Variants in TRAPPC9 observed in about 807,000 individuals in gnomAD.
The protein encoded by TRAPPC9 is IKK2 binding protein.
Under a neutral mutation model 124.0 loss-of-function variants are expected in TRAPPC9, and 83 were observed. The observed-to-expected ratio is 0.67, with a 90% confidence interval of 0.56 to 0.80. TRAPPC9 has a LOEUF of 0.80. Ranked by LOEUF, TRAPPC9 falls within the 30% of genes least tolerant of loss-of-function variation. The probability of loss-of-function intolerance (pLI) is 0.00; values close to 1 mark genes in which losing one functional copy is unlikely to be tolerated. For missense variants in TRAPPC9, 1,302 were observed against 1,508.3 expected (o/e 0.86, Z 2.27); for synonymous variants, 638 against 617.5 (o/e 1.03, Z -0.49).
chr8:140,112,366 A>G (rs2060795967), intron 17 of TRAPPC9, among the ~76,000 whole-genome samples: 1 of 149,138 alleles, frequency 6.7e-6, no homozygotes. Context: ...AGAGGAATGG[A>G]GAATTCCAGA....
At chr8:139,917,586 G>T (rs920405699) in intron 19 of TRAPPC9, among the ~76,000 whole-genome samples, 2 of 152,238 alleles carry the variant, frequency 1.3e-5, no homozygotes, top group Non-Finnish European at 2.9e-5. Context: ...CCAAAGCAAT[G>T]GCGCCCCCGT....
chr8:139,784,608 C>A (rs1280404201), intron 21 of TRAPPC9, among the ~76,000 whole-genome samples: 14 of 88,656 alleles, frequency 1.6e-4, no homozygotes, highest in African/African-American at 5.6e-4. Context: ...AAAAGACTGA[C>A]ATATATATAT....
At chr8:140,207,891 G>A (rs2131220916) in intron 17 of TRAPPC9, among the ~76,000 whole-genome samples, 1 of 152,306 alleles carries the variant, frequency 6.6e-6, no homozygotes, top group African/African-American at 2.4e-5. Context: ...AGTGGCTCAT[G>A]CCTTAATCCC....
intron 17 of TRAPPC9, among the ~76,000 whole-genome samples, chr8:140,192,507 A>C (rs2062518459): frequency 6.6e-6 from 1 of 152,228 alleles, no homozygotes; most frequent in Non-Finnish European, 1.5e-5. Context: ...CAGTAAAAAC[A>C]GGCAGCATGG....
intron 21 of TRAPPC9, among the ~76,000 whole-genome samples, chr8:139,862,068 G>A (rs577377980): frequency 3.9e-5 from 6 of 152,140 alleles, no homozygotes; most frequent in Non-Finnish European, 8.8e-5. Flanking sequence ...TACATTACCT[G>A]ATTTCATCTC....
intron 5 of TRAPPC9, among the ~76,000 whole-genome samples, chr8:140,418,076 G>A (rs1180629514): frequency 2.0e-5 from 3 of 152,162 alleles, no homozygotes; most frequent in Non-Finnish European, 4.4e-5. Flanking sequence ...TGGGGGGCTA[G>A]GGGAAGGACA....
chr8:140,137,802 C>T (rs1052311801), intron 17 of TRAPPC9, among the ~76,000 whole-genome samples: 14 of 152,138 alleles, frequency 9.2e-5, no homozygotes, highest in African/African-American at 2.7e-4. Flanking sequence ...GTCCAAGTAA[C>T]GAGGTTAGCA....
intron 19 of TRAPPC9, among the ~76,000 whole-genome samples, chr8:139,963,500 T>G (rs1490402246): frequency 6.6e-6 from 1 of 151,938 alleles, no homozygotes; most frequent in Non-Finnish European, 1.5e-5. Context: ...ATGTAGGAGC[T>G]TTTGGAGGGA....
chr8:140,178,184 G>T (rs79672763), intron 17 of TRAPPC9, among the ~76,000 whole-genome samples: 2,481 of 152,162 alleles, frequency 0.016, 31 homozygotes, highest in Non-Finnish European at 0.029. Flanking sequence ...TAATGAATAT[G>T]AACATCCTTG....
At chr8:140,096,552 C>T (rs149853527) in intron 17 of TRAPPC9, 3 of 152,012 alleles carry the variant, frequency 2.0e-5, no homozygotes, top group Admixed American at 6.5e-5. Flanking sequence ...GATAGAGAAA[C>T]CAGAATTCTT....
In TRAPPC9 at chr8:140,283,947, A is replaced by G. The variant is rs752950082; in HGVS notation, c.2056T>C (p.Ser686Pro). ...AACGCGGGAATGACTTCCACTGTGG[A>G]GCCACTGGTTTTTATTCCCGGCAGG... Reference protein sequence around the residue: ...DNLPGIKTSGSTVEVIPALPR... With the variant: ...DNLPGIKTSGPTVEVIPALPR... Residue 686 changes from serine (S) to proline (P), a missense_variant, in exon 14 of 23, where the codon TCC (serine) becomes CCC (proline). Transcript: ENST00000438773. 1.2e-6 allele frequency: 2 copies of G among 1,614,096 alleles called. No homozygotes were observed. Among genetic ancestry groups the G allele is most frequent in the East Asian group, 2.2e-5 (1 of 44,880 alleles).
intron 19 of TRAPPC9, among the ~76,000 whole-genome samples, chr8:139,956,954 C>T (rs571551862): frequency 1.8e-4 from 27 of 152,354 alleles, no homozygotes; most frequent in African/African-American, 5.8e-4. Context: ...GTGAGGACAC[C>T]GGATAAGGCC....
At chr8:139,952,232 C>A (rs1031851052) in intron 19 of TRAPPC9, among the ~76,000 whole-genome samples, 2 of 152,190 alleles carry the variant, frequency 1.3e-5, no homozygotes, top group African/African-American at 4.8e-5. Context: ...CCAGACACTG[C>A]GTAAGGGGCT....
intron 19 of TRAPPC9, among the ~76,000 whole-genome samples, chr8:139,981,647 T>C (rs1302458998): frequency 3.3e-5 from 5 of 152,196 alleles, no homozygotes; most frequent in African/African-American, 9.7e-5. Context: ...GATAGTTGAG[T>C]TGGGGGCTGC....
chr8:140,456,848 A>C (rs1313913766), intron 1 of TRAPPC9: 1 of 985,236 alleles, frequency 1.0e-6, no homozygotes, highest in East Asian at 1.1e-4. Flanking sequence ...CTCTATAGAA[A>C]CATTTGAAGA....
At chr8:140,458,155 AG>A (rs1451113194), upstream of TRAPPC9, 5 of 1,204,792 alleles carry the variant, frequency 4.2e-6, no homozygotes, top group African/African-American at 6.1e-5. Flanking sequence ...GGAAGGAGGG[AG>A]ATGGAGGGAG....
At chr8:140,448,093 C>T (rs1007726630) in intron 2 of TRAPPC9, among the ~76,000 whole-genome samples, 19 of 149,530 alleles carry the variant, frequency 1.3e-4, no homozygotes, top group African/African-American at 4.7e-4. Flanking sequence ...TTGCAGTGAG[C>T]CGAGACTGCA....
intron 19 of TRAPPC9, among the ~76,000 whole-genome samples, chr8:139,927,355 C>G (rs1832878052): frequency 6.6e-6 from 1 of 152,158 alleles, no homozygotes; most frequent in Non-Finnish European, 1.5e-5. Flanking sequence ...AGCAATCCTT[C>G]CACTTTAACC....
intron 10 of TRAPPC9, among the ~76,000 whole-genome samples, chr8:140,301,514 A>G (rs2131830551): frequency 6.6e-6 from 1 of 152,344 alleles, no homozygotes; most frequent in African/African-American, 2.4e-5. Context: ...AGGTGACACT[A>G]TGCTCTTAAA....
Sources: allele counts gnomAD v4.1 joint callset (sites outside exome capture counted in the v4.1 genomes callset), GRCh38; gene constraint gnomAD v4.1.1; transcripts MANE v1.5; gene names NCBI Gene and HGNC (gene_info 2026-07-23, HGNC 2026-07-21).